Variants in ZMYM6 observed in about 807,000 individuals in gnomAD.
ZMYM6 encodes zinc finger MYM-type protein 6.
Under a neutral mutation model 134.0 loss-of-function variants are expected in ZMYM6, and 90 were observed. The ratio of observed to expected loss-of-function variants is 0.67; its 90% CI spans 0.57 to 0.80. The LOEUF (loss-of-function observed/expected upper bound fraction) is 0.80. ZMYM6 is among the 30% of genes least tolerant of loss of function. The pLI, the probability that ZMYM6 is intolerant of heterozygous loss-of-function variation, is 0.00. For synonymous variants in ZMYM6, 481 were observed against 524.1 expected (o/e 0.92, Z 1.12); for missense variants, 1,362 against 1,533.9 (o/e 0.89, Z 1.87).
intron 2 of ZMYM6, among the ~76,000 whole-genome samples, chr1:35,029,535 CA>C (rs1380953875): frequency 6.6e-6 from 1 of 152,142 alleles, no homozygotes; most frequent in East Asian, 1.9e-4. Flanking sequence ...ATATATACTA[CA>C]TACTGATATA....
At chr1:34,988,970 G>T (rs1421637224) in intron 15 of ZMYM6, 35 bp from the exon 16 acceptor site, 1 of 1,587,502 alleles carries the variant, frequency 6.3e-7, no homozygotes, top group South Asian at 1.2e-5. Context: ...TTATTTTCAA[G>T]AACAAATAAG....
At chr1:34,995,287 G>A (rs569913299) in intron 14 of ZMYM6, among the ~76,000 whole-genome samples, 1 of 148,754 alleles carries the variant, frequency 6.7e-6, no homozygotes. Flanking sequence ...GGCAACCACT[G>A]TGTTGCCTGA....
At position 35,008,930 on chromosome 1, in the gene ZMYM6, G is replaced by C; in HGVS notation, c.1493-6C>G. 3.7e-6 allele frequency: 6 copies of C among 1,606,048 alleles called. No homozygotes were observed. The highest frequency in any genetic ancestry group is 5.1e-6 in the Non-Finnish European group (6 of 1,176,294). On this transcript the variant is annotated splice_region_variant and splice_polypyrimidine_tract_variant and intron_variant, in intron 10 of 15. Transcript: ENST00000357182. ...GGCAGAGAGGAATTTGCAAACTGAG[G>C]ATCAGAGGGATGAAAGGAAGAAAAA...
Position 34,987,822 on chromosome 1 carries a change from T to C in ZMYM6, c.3260A>G (p.His1087Arg). ...TTGACTTAAAAATATTTCAATCTCA[T>C]GTCGTAATTCAAATAATCTTTTTAA... ...RMLKRLFELRHEIEIFLSQKH... is the reference protein window; with the variant it reads ...RMLKRLFELRREIEIFLSQKH... Residue 1087 changes from histidine to arginine, a missense_variant, in exon 16 of 16, where the codon CAT (histidine) becomes CGT (arginine). Around this residue, in one of 3 missense-constraint regions of ZMYM6, gnomAD observed 824 missense variants for 940.9 expected, o/e 0.88. Coordinates refer to ENST00000357182, the MANE Select transcript of ZMYM6 (RefSeq NM_007167.4). The C allele has an allele frequency of 6.4e-7, 1 of 1,550,870 alleles. No homozygotes were observed. Among genetic ancestry groups the C allele is most frequent in the African/African-American group, 1.4e-5 (1 of 73,174 alleles).
At chr1:34,989,072 C>T (rs1640621876) in intron 15 of ZMYM6, 137 bp from the exon 16 acceptor site, 1 of 1,459,906 alleles carries the variant, frequency 6.8e-7, no homozygotes. Flanking sequence ...AAAGTTTAAG[C>T]ACAAGTCATA....
Position 35,010,983 on chromosome 1 carries a change from C to T in ZMYM6, c.1116G>A (p.Gln372=), listed in dbSNP as rs1366072264. 1.9e-6 allele frequency: 3 copies of T among 1,613,884 alleles called. No individual in the cohort carries two copies. Among genetic ancestry groups the T allele is most frequent in the Admixed American group, 1.7e-5 (1 of 59,972 alleles). ...AGGGCGGGCTTACAACCACTTGGCC[C>T]TGAGACAGGGGCACCGCCGAAGAGT... is the stretch of plus-strand genomic sequence containing the variant. ...GTNSSAVPLS[Q]GQVVVSPPSS... The change falls in exon 9 of 16, where the codon CAG becomes CAA. Residue 372 remains glutamine, a synonymous_variant. Transcript: ENST00000357182.
In ZMYM6 at chr1:35,005,215, G is replaced by A. The variant is rs1640944651; in HGVS notation, c.1871C>T (p.Thr624Ile). 1 of 1,614,116 alleles carries A rather than the reference G, an allele frequency of 6.2e-7. No individual in the cohort carries two copies. Among genetic ancestry groups the A allele is most frequent in the Middle Eastern group, 1.7e-4 (1 of 6,060 alleles). ...VTELPSARTDTTPVITSVMSL... is the reference protein window; with the variant it reads ...VTELPSARTDITPVITSVMSL... ...CATCACACTGGTTATAACTGGTGTT[G>A]TATCTGTCCTTGCAGAAGGGAGCTC... Residue 624 changes from threonine (T) to isoleucine (I), a missense_variant, in exon 13 of 16, where the codon ACA becomes ATA. Around this residue, in one of 3 missense-constraint regions of ZMYM6, gnomAD observed 824 missense variants for 940.9 expected, o/e 0.88. Coordinates refer to ENST00000357182, the MANE Select transcript of ZMYM6 (RefSeq NM_007167.4).
At chr1:35,015,255 A>C in intron 4 of ZMYM6, 93 bp from the exon 5 acceptor site, 1 of 1,237,596 alleles carries the variant, frequency 8.1e-7, no homozygotes, top group East Asian at 2.5e-5. Flanking sequence ...TACTAAGGGC[A>C]GGTACTGTAT....
chr1:35,004,436 C>T lies in ZMYM6; in HGVS notation c.1955-431G>A, dbSNP rs1299119493. ...ACCAGCCTGGCCAACATGGTGAAAC[C>T]GCATCTCTACCAAAAATATAAAATT... On this transcript the variant is annotated intron_variant, in intron 13 of 15. Transcript: ENST00000357182. Among the ~76,000 whole-genome samples the T allele has an allele frequency of 1.3e-5, 2 of 151,982 alleles. 1 individual carries two copies. The highest frequency in any genetic ancestry group is 1.3e-4 in the Admixed American group (2 of 15,248).
chr1:35,002,414 C>T (rs1365260500), intron 14 of ZMYM6, among the ~76,000 whole-genome samples: 1 of 152,150 alleles, frequency 6.6e-6, no homozygotes, highest in African/African-American at 2.4e-5. Flanking sequence ...GAGAACCAGC[C>T]ATAACTTGTA....
Position 34,994,092 on chromosome 1 carries a change from CAT to C in ZMYM6, c.1993-1707_1993-1706del, listed in dbSNP as rs368620559. ...ACAGAGTGGAGGAATGTACTTAAAA[CAT>C]GTGTATTCACTCAATATTTATTTCC... is the stretch of plus-strand genomic sequence containing the variant. On this transcript the variant is annotated intron_variant, in intron 14 of 15. Coordinates refer to ENST00000357182, the MANE Select transcript of ZMYM6 (RefSeq NM_007167.4). Among the ~76,000 whole-genome samples, 258 of 151,588 alleles carry C rather than the reference CAT, an allele frequency of 1.7e-3. 3 individuals carry two copies. Among genetic ancestry groups the C allele is most frequent in the African/African-American group, 5.8e-3 (240 of 41,368 alleles).
chr1:34,988,603 A>C lies in ZMYM6; in HGVS notation c.2479T>G (p.Ser827Ala). The change falls in exon 16 of 16, where the codon TCA becomes GCA. Residue 827 changes from serine to alanine, a missense_variant. By Grantham distance (99) the Ser-to-Ala change is moderately conservative (BLOSUM62 1). Around this residue, in one of 3 missense-constraint regions of ZMYM6, gnomAD observed 824 missense variants for 940.9 expected, o/e 0.88. Transcript: ENST00000357182. ...SLKKCLLVEKSLVKASYLIAF... is the reference protein window; with the variant it reads ...SLKKCLLVEKALVKASYLIAF... The stretch of plus-strand genomic sequence containing the variant: ...ATTAAATAAGAAGCTTTCACAAGTG[A>C]CTTTTCAACTAGTAAACACTTTTTT... The C allele has an allele frequency of 1.9e-6, 3 of 1,550,436 alleles. No homozygotes were observed. Among genetic ancestry groups the C allele is most frequent in the Non-Finnish European group, 2.6e-6 (3 of 1,146,726 alleles).
At chr1:35,013,032 C>G (rs917981660) in intron 6 of ZMYM6, 2 of 957,660 alleles carry the variant, frequency 2.1e-6, no homozygotes, top group African/African-American at 3.5e-5. Flanking sequence ...AGAGATCCTA[C>G]ACAACTACCT....
chr1:34,988,747 T>A lies in ZMYM6; in HGVS notation c.2335A>T (p.Asn779Tyr). ...TGAGAAAGATTTGCTGGCTTCATGTTTTCACTGGATAAGATCTCTCCACAA... is the reference window on the plus strand; with the variant it reads ...TGAGAAAGATTTGCTGGCTTCATGTATTCACTGGATAAGATCTCTCCACAA... The part of the protein sequence containing the change: ...VICGEILSSE[N>Y]MKPANLSHHL... The change falls in exon 16 of 16, where the codon AAC (asparagine) becomes TAC (tyrosine). Residue 779 changes from asparagine to tyrosine, a missense_variant. By Grantham distance (143) the Asn-to-Tyr change is moderately radical. Around this residue, in one of 3 missense-constraint regions of ZMYM6, gnomAD observed 824 missense variants for 940.9 expected, o/e 0.88. Coordinates refer to ENST00000357182, the MANE Select transcript of ZMYM6 (RefSeq NM_007167.4). 6.4e-7 allele frequency: 1 copy of A among 1,551,570 alleles called. No individual in the cohort carries two copies. Among genetic ancestry groups the A allele is most frequent in the Non-Finnish European group, 8.7e-7 (1 of 1,146,962 alleles).
At chr1:35,013,173 A>T (rs1641116480) in intron 6 of ZMYM6, 1 of 758,092 alleles carries the variant, frequency 1.3e-6, no homozygotes, top group Non-Finnish European at 1.6e-6. Flanking sequence ...GTCAGGCCCC[A>T]GGCTAAGAAA....
At chr1:35,021,900 A>T (rs1329487985) in intron 2 of ZMYM6, among the ~76,000 whole-genome samples, 2 of 152,184 alleles carry the variant, frequency 1.3e-5, no homozygotes, top group African/African-American at 4.8e-5. Context: ...CTTTTTTTTA[A>T]TGTTAAAATA....
intron 10 of ZMYM6, among the ~76,000 whole-genome samples, chr1:35,009,869 G>C (rs543882901): frequency 6.6e-5 from 10 of 152,124 alleles, no homozygotes; most frequent in Non-Finnish European, 1.2e-4. Flanking sequence ...CGGGGAGGCA[G>C]AGACTGCAAT....
intron 11 of ZMYM6, among the ~76,000 whole-genome samples, chr1:35,007,913 A>G (rs1641014420): frequency 6.6e-6 from 1 of 152,212 alleles, no homozygotes; most frequent in African/African-American, 2.4e-5. Context: ...CAACTTCTAA[A>G]AAATTAAGCA....
intron 11 of ZMYM6, 60 bp from the exon 12 acceptor site, chr1:35,007,158 T>C: frequency 2.0e-6 from 3 of 1,504,304 alleles, no homozygotes; most frequent in South Asian, 2.7e-5. Context: ...AAAGATAACA[T>C]TAATCATAAA....
Sources: gnomAD v4.1 joint callset for allele counts (sites outside exome capture counted in the v4.1 genomes callset) on GRCh38, gnomAD v4.1.1 for gene constraint, gnomAD v4.1.1 regional missense constraint, MANE v1.5 for transcripts, NCBI Gene and HGNC (gene_info 2026-07-23, HGNC 2026-07-21) for gene names.